Variants in FHOD3 observed in about 807,000 individuals in gnomAD.
FHOD3 encodes FH1/FH2 domain-containing protein 3.
Under a neutral mutation model 173.0 loss-of-function variants are expected in FHOD3, and 90 were observed. That is an observed-to-expected ratio of 0.52 (90% CI 0.44 to 0.62). FHOD3 has a LOEUF of 0.62. Among genes scored for constraint, FHOD3 ranks in the 20% least tolerant of loss-of-function variants. The pLI is 0.00. For synonymous variants in FHOD3, 828 were observed against 823.0 expected (o/e 1.01, Z -0.10); for missense variants, 1,945 against 2,034.7 (o/e 0.96, Z 0.85).
At chr18:36,402,328 T>C (rs1176719039) in intron 3 of FHOD3, among the ~76,000 whole-genome samples, 1 of 152,190 alleles carries the variant, frequency 6.6e-6, no homozygotes, top group Non-Finnish European at 1.5e-5. Context: ...GCAAAGAACC[T>C]GAGTGCTCAT....
intron 5 of FHOD3, among the ~76,000 whole-genome samples, chr18:36,542,840 A>G (rs2057277558): frequency 6.6e-6 from 1 of 152,192 alleles, no homozygotes; most frequent in Admixed American, 6.5e-5. Flanking sequence ...GAAGCACAAA[A>G]AAAAATGACG....
intron 5 of FHOD3, among the ~76,000 whole-genome samples, chr18:36,561,203 A>T (rs989878883): frequency 6.6e-6 from 1 of 152,258 alleles, no homozygotes; most frequent in Non-Finnish European, 1.5e-5. Context: ...AATACTAGTC[A>T]TTGATTGACA....
At chr18:36,628,630 C>T (rs2034286808) in intron 10 of FHOD3, among the ~76,000 whole-genome samples, 2 of 152,196 alleles carry the variant, frequency 1.3e-5, no homozygotes, top group African/African-American at 4.8e-5. Context: ...CATTGGTCAA[C>T]TAAAAGCATC....
In FHOD3 at chr18:36,649,401, G is replaced by T; in HGVS notation, c.1282G>T (p.Asp428Tyr). Residue 428 changes from aspartate (D) to tyrosine (Y), a missense_variant, in exon 11 of 29, where the codon GAC becomes TAC. Physicochemically the swap from Asp to Tyr is radical, Grantham distance 160. Coordinates refer to ENST00000590592, the MANE Select transcript of FHOD3 (RefSeq NM_001281740.3). ...REDDASCQGK[D>Y]SKVGAASGQS... ...GGATGATGCTTCCTGTCAGGGCAAG[G>T]ACAGGTACCTAGGACTGGAGCCTCC... The T allele has an allele frequency of 6.5e-7, 1 of 1,535,342 alleles. No individual in the cohort carries two copies. The highest frequency in any genetic ancestry group is 8.7e-7 in the Non-Finnish European group (1 of 1,146,502).
At chr18:36,428,776 A>G (rs1468728149) in intron 3 of FHOD3, among the ~76,000 whole-genome samples, 1 of 152,128 alleles carries the variant, frequency 6.6e-6, no homozygotes, top group African/African-American at 2.4e-5. Context: ...TTCCAACTTC[A>G]GGATATTTCT....
chr18:36,599,965 TG>T (rs2031108358), intron 7 of FHOD3, among the ~76,000 whole-genome samples: 1 of 37,992 alleles, frequency 2.6e-5, no homozygotes, highest in South Asian at 8.9e-4. Context: ...GTGTTTGGGG[TG>T]GGGGTGGGGG....
rs1426796603 is a variant in FHOD3, at chr18:36,709,387, A to G, written c.2529A>G (p.Thr843=). The stretch of plus-strand genomic sequence containing the variant: ...AGGACAAGCTCTCCAGGGACAGGAC[A>G]ACTGGTAAATGAAGCCCCTTGTTTC... ...EKEDKLSRDR[T]TGLWPAGVQD... Residue 843 remains threonine, a synonymous_variant, in exon 18 of 29, where the codon ACA becomes ACG. Transcript: ENST00000590592. The G allele has an allele frequency of 2.5e-6, 4 of 1,611,226 alleles. No homozygotes were observed. The East Asian group carries it at 6.7e-5, about 27-fold the overall frequency.
rs535159314 is a variant in FHOD3 at position 36,340,705 on chromosome 18, C to T, written c.166-14834C>T. On this transcript the variant is annotated intron_variant, in intron 1 of 28. Coordinates refer to ENST00000590592, the MANE Select transcript of FHOD3 (RefSeq NM_001281740.3). ...AGGCTGGAGTGCAGTGTCACGATCT[C>T]GGCTCACTGCAAGCTCCGCCTTCCG... 9.2e-5 allele frequency among the ~76,000 whole-genome samples: 14 copies of T among 151,428 alleles called. 1 individual carries two copies. Among genetic ancestry groups the T allele is most frequent in the South Asian group, 6.3e-4 (3 of 4,788 alleles).
At chr18:36,386,474 G>A (rs868592383) in intron 3 of FHOD3, among the ~76,000 whole-genome samples, 1 of 152,200 alleles carries the variant, frequency 6.6e-6, no homozygotes, top group African/African-American at 2.4e-5. Flanking sequence ...AGCAATTTCC[G>A]TGCCCGTTAG....
chr18:36,762,916 A>G (rs1458260751), intron 27 of FHOD3, among the ~76,000 whole-genome samples: 6 of 147,488 alleles, frequency 4.1e-5, no homozygotes, highest in Non-Finnish European at 7.5e-5. Context: ...TACACGTTAT[A>G]TATGTGTATT....
intron 10 of FHOD3, among the ~76,000 whole-genome samples, chr18:36,647,264 CA>C (rs964717756): frequency 2.0e-5 from 3 of 151,340 alleles, no homozygotes; most frequent in South Asian, 2.1e-4. Flanking sequence ...TCTTCAAATA[CA>C]AAAAAAAATT....
At chr18:36,298,684 C>T (rs894199611) in intron 1 of FHOD3, among the ~76,000 whole-genome samples, 1 of 151,696 alleles carries the variant, frequency 6.6e-6, no homozygotes, top group African/African-American at 2.4e-5. Context: ...GCGGCGCGCT[C>T]ACAAAGCCTC....
At chr18:36,439,563 GTGTGTA>G (rs1470543162) in intron 3 of FHOD3, among the ~76,000 whole-genome samples, 18 of 111,880 alleles carry the variant, frequency 1.6e-4, no homozygotes, top group African/African-American at 5.0e-4. Context: ...GTGTGTGTGT[GTGTGTA>G]TGTATGTAGT....
chr18:36,299,429 T>G (rs2144317906), intron 1 of FHOD3, among the ~76,000 whole-genome samples: 1 of 152,354 alleles, frequency 6.6e-6, no homozygotes, highest in South Asian at 2.1e-4. Flanking sequence ...TTCAAAGAGC[T>G]TCTTCTACAT....
At chr18:36,642,480 G>A (rs207476751) in intron 10 of FHOD3, among the ~76,000 whole-genome samples, 3 of 151,310 alleles carry the variant, frequency 2.0e-5, no homozygotes, top group South Asian at 2.1e-4. Flanking sequence ...TTAGCCGGGC[G>A]TGGTGGCGGG....
chr18:36,762,971 GT>G (rs2042951784), intron 27 of FHOD3, among the ~76,000 whole-genome samples: 2 of 116,370 alleles, frequency 1.7e-5, no homozygotes, highest in South Asian at 5.0e-4. Flanking sequence ...TTATATATGC[GT>G]ATTATATACG....
At chr18:36,529,463 A>G (rs954696294) in intron 5 of FHOD3, among the ~76,000 whole-genome samples, 2 of 152,192 alleles carry the variant, frequency 1.3e-5, no homozygotes, top group African/African-American at 4.8e-5. Context: ...TTTAATATGA[A>G]AACCTAAATG....
chr18:36,417,915 C>G (rs1010427758), intron 3 of FHOD3, among the ~76,000 whole-genome samples: 4 of 152,136 alleles, frequency 2.6e-5, no homozygotes, highest in Non-Finnish European at 5.9e-5. Context: ...TATTAACTGT[C>G]CTGGAAAATT....
chr18:36,395,316 C>CAAAAA (rs34684195), intron 3 of FHOD3, among the ~76,000 whole-genome samples: 57 of 133,732 alleles, frequency 4.3e-4, no homozygotes, highest in South Asian at 9.5e-4. Flanking sequence ...GACTCCGTCT[C>CAAAAA]AAAAAAAAAA....
Sources: gnomAD v4.1 joint callset for allele counts (sites outside exome capture counted in the v4.1 genomes callset) on GRCh38, gnomAD v4.1.1 for gene constraint, MANE v1.5 for transcripts, NCBI Gene and HGNC (gene_info 2026-07-23, HGNC 2026-07-21) for gene names.